Variants in RGS9 observed in about 807,000 individuals in gnomAD.
RGS9 encodes regulator of G protein signaling 9.
A neutral mutation model predicts 102.0 loss-of-function variants in RGS9; 78 were observed. The observed-to-expected ratio is 0.76, with a 90% CI of 0.64 to 0.92. RGS9 has a LOEUF of 0.92. Among genes scored for constraint, RGS9 ranks in the 40% least tolerant of loss-of-function variants. The probability of loss-of-function intolerance (pLI) is 0.00; values close to 1 mark genes in which losing one functional copy is unlikely to be tolerated. For synonymous variants in RGS9, 353 were observed against 318.6 expected (o/e 1.11, Z -1.15); for missense variants, 833 against 866.1 (o/e 0.96, Z 0.48).
intron 12 of RGS9, among the ~76,000 whole-genome samples, chr17:65,194,383 G>A (rs2144074050): frequency 6.6e-6 from 1 of 152,178 alleles, no homozygotes; most frequent in African/African-American, 2.4e-5. Context: ...TTTTTGTGTG[G>A]GCATATTTTC....
rs759069827 is a variant in RGS9 at position 65,153,515 on chromosome 17, A to G, written c.151A>G (p.Thr51Ala). The G allele has an allele frequency of 3.1e-6, 5 of 1,612,910 alleles. No homozygotes were observed. The East Asian group carries it at 8.9e-5, about 29-fold the overall frequency. ...GGTCACCAGCGTTCCTCATGCCATG[A>G]CAGGTGATGTAGCTTGCACTTTAGT... ...VLVTSVPHAM[T>A]GSDVLQWIVQ... The change falls in exon 2 of 19, where the codon ACA becomes GCA. Residue 51 changes from threonine (T) to alanine (A), a missense_variant. This residue lies in a region of RGS9 where 328 missense variants were observed against 340.6 expected (regional missense o/e 0.96). Coordinates refer to ENST00000262406, the MANE Select transcript of RGS9 (RefSeq NM_003835.4).
At position 65,142,864 on chromosome 17, in the gene RGS9, A is replaced by G. The variant is rs1910210655; in HGVS notation, c.57+5267A>G. On this transcript the variant is annotated intron_variant, in intron 1 of 18. Coordinates refer to ENST00000262406, the MANE Select transcript of RGS9 (RefSeq NM_003835.4). ...CCTAAAGTGCTGGGATTGCAGGTGT[A>G]AACCACAAAGCCTGGCCTGGTTTTC... Among the ~76,000 whole-genome samples the G allele has an allele frequency of 2.0e-5, 3 of 151,976 alleles. No homozygotes were observed. In the South Asian group the frequency reaches 6.2e-4, roughly 32 times the overall value.
chr17:65,200,761 T>C (rs1338271775), intron 13 of RGS9, among the ~76,000 whole-genome samples: 2 of 152,228 alleles, frequency 1.3e-5, no homozygotes, highest in African/African-American at 4.8e-5. Flanking sequence ...TGGATTTTTT[T>C]TTCAGTAAAT....
chr17:65,143,185 T>C (rs1311932072), intron 1 of RGS9, among the ~76,000 whole-genome samples: 7 of 152,250 alleles, frequency 4.6e-5, no homozygotes, highest in Admixed American at 2.0e-4. Flanking sequence ...TCCTGGCATC[T>C]AGTGGGTGGA....
At chr17:65,158,186 G>C (rs1334090262) in intron 2 of RGS9, 109 bp from the exon 3 acceptor site, 3 of 1,000,566 alleles carry the variant, frequency 3.0e-6, no homozygotes, top group Non-Finnish European at 3.2e-6. Context: ...GAGCGAAGAG[G>C]AATGAAATCG....
At chr17:65,174,379 G>GT (rs1911534613) in intron 8 of RGS9, among the ~76,000 whole-genome samples, 1 of 152,096 alleles carries the variant, frequency 6.6e-6, no homozygotes, top group African/African-American at 2.4e-5. Context: ...GTGAGTGCAT[G>GT]TCAGTATGTC....
chr17:65,145,463 A>G (rs186453478), intron 1 of RGS9, among the ~76,000 whole-genome samples: 1 of 151,750 alleles, frequency 6.6e-6, no homozygotes, highest in East Asian at 1.9e-4. Flanking sequence ...ATATCGTCTC[A>G]GTGCAACCTC....
intron 8 of RGS9, among the ~76,000 whole-genome samples, chr17:65,176,744 C>T (rs963921714): frequency 2.7e-5 from 4 of 148,378 alleles, no homozygotes; most frequent in Admixed American, 1.3e-4. Flanking sequence ...TCCATCCATC[C>T]ATCCATCCAC....
At chr17:65,155,653 G>A (rs1015960948) in intron 2 of RGS9, among the ~76,000 whole-genome samples, 25 of 152,114 alleles carry the variant, frequency 1.6e-4, no homozygotes, top group African/African-American at 4.8e-4. Flanking sequence ...TGATCCTCCT[G>A]CCTCGGTTTT....
In RGS9 at chr17:65,225,137, C is replaced by A. The variant is rs1298439298; in HGVS notation, c.1543C>A (p.Arg515=). 3 of 1,613,774 alleles carry A rather than the reference C, an allele frequency of 1.9e-6. No individual in the cohort carries two copies. The highest frequency in any genetic ancestry group is 1.7e-6 in the Non-Finnish European group (2 of 1,180,040). Residue 515 remains arginine (R), a synonymous_variant, in exon 18 of 19, where the codon CGG becomes AGG. Coordinates refer to ENST00000262406, the MANE Select transcript of RGS9 (RefSeq NM_003835.4). ...TTTCGCCTCACCCAGCCGCTTCATC[C>A]GGCGACCCAGCACCACCATCTGCCC... ...KPFASPSRFI[R]RPSTTICPSP...
At position 65,181,263 on chromosome 17, in the gene RGS9, G is replaced by C. The variant is rs142106201; in HGVS notation, c.654+3460G>C. Among the ~76,000 whole-genome samples, 26 of 152,322 alleles carry C rather than the reference G, an allele frequency of 1.7e-4. No homozygotes were observed. The East Asian group carries it at 5.0e-3, about 29-fold the overall frequency. On this transcript the variant is annotated intron_variant, in intron 9 of 18. Transcript: ENST00000262406. Reference sequence around the variant, plus strand: ...GGCTGAACTAATTTCATTCCCACCAGAAGCATATAAGCTTCCCTTTTCTCC... The same window carrying C: ...GGCTGAACTAATTTCATTCCCACCACAAGCATATAAGCTTCCCTTTTCTCC...
chr17:65,160,136 G>A lies in RGS9; in HGVS notation c.206-97G>A, dbSNP rs1910919860. The A allele has an allele frequency of 6.6e-6, 6 of 902,298 alleles. No individual in the cohort carries two copies. The Admixed American group carries it at 8.5e-5, about 13-fold the overall frequency. The allele number at this position is 902,298 out of a possible 1,614,324, so 55.9% of individuals were successfully genotyped here. ...CATGAGATGCAGTGCTGTTAGGAAG[G>A]GGCACCTGTCCTGGAGTTTGGGGTG... On this transcript the variant is annotated intron_variant, in intron 3 of 18. Transcript: ENST00000262406.
chr17:65,151,305 A>G (rs1598561273), intron 1 of RGS9, among the ~76,000 whole-genome samples: 1 of 151,590 alleles, frequency 6.6e-6, no homozygotes, highest in Admixed American at 6.6e-5. Context: ...AGATCGTGCC[A>G]CTGCATTCCA....
intron 1 of RGS9, among the ~76,000 whole-genome samples, chr17:65,151,356 A>T (rs908386447): frequency 3.6e-5 from 5 of 138,274 alleles, no homozygotes; most frequent in African/African-American, 1.3e-4. Flanking sequence ...AAAAAAAAAA[A>T]AAGAGTCCTT....
chr17:65,144,413 G>T (rs1034151395), intron 1 of RGS9, among the ~76,000 whole-genome samples: 1 of 152,178 alleles, frequency 6.6e-6, no homozygotes, highest in Admixed American at 6.5e-5. Flanking sequence ...TGATGTCGGG[G>T]TTCCCTGGCA....
Position 65,177,901 on chromosome 17 carries a change from C to T in RGS9, c.654+98C>T, listed in dbSNP as rs1242138200. 4.2e-6 allele frequency: 4 copies of T among 944,254 alleles called. No homozygotes were observed. The Admixed American group carries it at 7.1e-5, about 17-fold the overall frequency. 58.5% of individuals were successfully genotyped at this position (944,254 alleles called of 1,614,324 possible). ...TTCGTGTCTGTTAGGGCAACGATAT[C>T]TCCTCTTTGAGACTATCAAAGAGAG... is the stretch of plus-strand genomic sequence containing the variant. On this transcript the variant is annotated intron_variant, in intron 9 of 18. Transcript: ENST00000262406.
chr17:65,184,285 C>T (rs1912017995), intron 9 of RGS9, among the ~76,000 whole-genome samples: 1 of 152,060 alleles, frequency 6.6e-6, no homozygotes, highest in African/African-American at 2.4e-5. Flanking sequence ...AAAGACTTAG[C>T]AAATAAAAAT....
At position 65,193,609 on chromosome 17, in the gene RGS9, C is replaced by T. The variant is rs1260636187; in HGVS notation, c.813C>T (p.Asn271=). The part of the protein sequence containing the change: ...DAIMSGCLPS[N]PWITDDTQFW... ...TCATGTCAGGCTGCCTCCCCAGCAA[C>T]CCCTGGATCACCGATGACACCCAGT... The change falls in exon 12 of 19, where the codon AAC becomes AAT. Residue 271 remains asparagine (N), a synonymous_variant. Transcript: ENST00000262406. 3 of 1,613,884 alleles carry T rather than the reference C, an allele frequency of 1.9e-6. No homozygotes were observed. In the South Asian group the frequency reaches 3.3e-5, roughly 18 times the overall value.
intron 17 of RGS9, among the ~76,000 whole-genome samples, chr17:65,220,087 C>A (rs1319691919): frequency 6.6e-6 from 1 of 152,078 alleles, no homozygotes; most frequent in Non-Finnish European, 1.5e-5. Context: ...CTCACCATCA[C>A]CATCACCATT....
Sources: allele counts gnomAD v4.1 joint callset (sites outside exome capture counted in the v4.1 genomes callset), GRCh38; gene constraint gnomAD v4.1.1; regional missense constraint gnomAD v4.1.1; transcripts MANE v1.5; gene names NCBI Gene and HGNC (gene_info 2026-07-23, HGNC 2026-07-21).